The following RPS6KL1 variants were observed in gnomAD, a reference collection of about 807,000 sequenced individuals.
The protein encoded by RPS6KL1 is ribosomal protein S6 kinase like 1, also known as ribosomal protein S6 kinase-like 1.
RPS6KL1 carries 41 observed loss-of-function variants against 57.0 expected under a neutral mutation model. That is an observed-to-expected ratio of 0.72 (90% confidence interval 0.56 to 0.93). RPS6KL1 has a LOEUF of 0.93. Among genes scored for constraint, RPS6KL1 ranks in the 40% least tolerant of loss-of-function variants. RPS6KL1 has a pLI of 0.00. For synonymous variants in RPS6KL1, 287 were observed against 309.7 expected (o/e 0.93, Z 0.77); for missense variants, 697 against 727.7 (o/e 0.96, Z 0.49).
intron 5 of RPS6KL1, among the ~76,000 whole-genome samples, chr14:74,917,127 G>T (rs937016566): frequency 1.3e-5 from 2 of 152,220 alleles, no homozygotes; most frequent in Non-Finnish European, 2.9e-5. Flanking sequence ...CTGGAGTAAG[G>T]CCCGGGAGCA....
rs777306781 is a variant in RPS6KL1 at position 74,909,980 on chromosome 14, A to AG, written c.832dup (p.Leu278ProfsTer5). 3 of 1,614,100 alleles carry AG rather than the reference A, an allele frequency of 1.9e-6. No homozygotes were observed. The highest frequency in any genetic ancestry group is 2.5e-6 in the Non-Finnish European group (3 of 1,179,978). On this transcript the variant is annotated frameshift_variant, in exon 8 of 12. Coordinates refer to ENST00000557413, the MANE Select transcript of RPS6KL1 (RefSeq NM_031464.5). LOFTEE classifies it high-confidence loss of function. ...GTTCGGAGAAGTCCTAGGAGGCTCC[A>AG]GGGCGATTCTGTCCTGGCCAGGGGC... is the stretch of plus-strand genomic sequence containing the variant.
intron 11 of RPS6KL1, 68 bp from the exon 12 acceptor site, chr14:74,907,192 C>G (rs1046298107): frequency 3.5e-6 from 5 of 1,423,986 alleles, no homozygotes; most frequent in Non-Finnish European, 4.8e-6. Context: ...TCCAGGGACT[C>G]CAACCACTAT....
At position 74,921,509 on chromosome 14, in the gene RPS6KL1, G is replaced by A. The variant is rs765263263; in HGVS notation, c.33C>T (p.Ser11=). MSLVACECLP[S]PGLEPEPCSR... is the part of the protein sequence containing the mutation. ...AGCAAGGCTCAGGCTCCAGGCCGGG[G>A]CTGGGCAGGCACTCACAGGCCACCA... The change falls in exon 3 of 12, where the codon AGC becomes AGT. Residue 11 remains serine (S), a synonymous_variant. Coordinates refer to ENST00000557413, the MANE Select transcript of RPS6KL1 (RefSeq NM_031464.5). 1.2e-6 allele frequency: 2 copies of A among 1,613,888 alleles called. No homozygotes were observed. The highest frequency in any genetic ancestry group is 2.2e-5 in the East Asian group (1 of 44,868).
intron 5 of RPS6KL1, 91 bp downstream of exon 5, chr14:74,918,422 C>T: frequency 1.0e-6 from 1 of 959,030 alleles, no homozygotes; most frequent in Non-Finnish European, 1.5e-6. Context: ...TGCTACAGAC[C>T]TGCTTTCAGC....
At chr14:74,917,348 G>T (rs2140325565) in intron 5 of RPS6KL1, among the ~76,000 whole-genome samples, 1 of 152,312 alleles carries the variant, frequency 6.6e-6, no homozygotes, top group South Asian at 2.1e-4. Context: ...CACCCGGGGT[G>T]GTGCCCAGCG....
chr14:74,917,786 G>A (rs569927976), intron 5 of RPS6KL1, among the ~76,000 whole-genome samples: 38 of 148,598 alleles, frequency 2.6e-4, no homozygotes, highest in African/African-American at 9.2e-4. Context: ...CCAAGGCCCT[G>A]GGCAAGGACG....
intron 5 of RPS6KL1, among the ~76,000 whole-genome samples, chr14:74,913,883 GTTGT>G (rs1223118159): frequency 3.9e-5 from 6 of 152,226 alleles, no homozygotes; most frequent in Admixed American, 3.3e-4. Context: ...CTTTACATAG[GTTGT>G]TTAATTTTAT....
At chr14:74,911,526 G>T in intron 6 of RPS6KL1, 146 bp from the exon 7 acceptor site, 1 of 912,674 alleles carries the variant, frequency 1.1e-6, no homozygotes. Flanking sequence ...TACCCCCACT[G>T]CCCCTGTAGA....
chr14:74,908,513 T>G (rs2140251184), intron 10 of RPS6KL1, among the ~76,000 whole-genome samples: 1 of 151,524 alleles, frequency 6.6e-6, no homozygotes, highest in Middle Eastern at 3.4e-3. Context: ...GTGGGAGGAG[T>G]GAACAGCGGG....
At chr14:74,914,923 G>A (rs1338127414) in intron 5 of RPS6KL1, among the ~76,000 whole-genome samples, 1 of 152,222 alleles carries the variant, frequency 6.6e-6, no homozygotes, top group Non-Finnish European at 1.5e-5. Flanking sequence ...TGTTGGTCAG[G>A]CTGGTCTTGA....
intron 5 of RPS6KL1, among the ~76,000 whole-genome samples, chr14:74,913,862 T>C (rs189769322): frequency 9.7e-4 from 148 of 152,402 alleles, no homozygotes; most frequent in Non-Finnish European, 1.7e-3. Flanking sequence ...GTGGTTACTC[T>C]GTGCTAAGCA....
In RPS6KL1 at chr14:74,921,466, C is replaced by T; in HGVS notation, c.76G>A (p.Ala26Thr). 1 of 1,614,138 alleles carries T rather than the reference C, an allele frequency of 6.2e-7. No individual in the cohort carries two copies. The highest frequency in any genetic ancestry group is 8.5e-7 in the Non-Finnish European group (1 of 1,180,010). Residue 26 changes from alanine (A) to threonine (T), a missense_variant, in exon 3 of 12, where the codon GCT becomes ACT. Physicochemically the swap from Ala to Thr is moderately conservative, Grantham distance 58. Transcript: ENST00000557413. ...PEPCSRARSQ[A>T]HVYLEQIRNR... ...CGAATCTGCTCCAGGTACACGTGAG[C>T]TTGGGACCGTGCTCGTGAGCAAGGC...
Position 74,921,471 on chromosome 14 carries a change from G to T in RPS6KL1, c.71C>A (p.Ser24Tyr). The change falls in exon 3 of 12, where the codon TCC becomes TAC. Residue 24 changes from serine to tyrosine, a missense_variant. By Grantham distance (144) the Ser-to-Tyr change is moderately radical. Transcript: ENST00000557413. ...CTGCTCCAGGTACACGTGAGCTTGG[G>T]ACCGTGCTCGTGAGCAAGGCTCAGG... Reference protein sequence around the residue: ...LEPEPCSRARSQAHVYLEQIR... With the variant: ...LEPEPCSRARYQAHVYLEQIR... 6.2e-7 allele frequency: 1 copy of T among 1,614,134 alleles called. No homozygotes were observed. Among genetic ancestry groups the T allele is most frequent in the African/African-American group, 1.3e-5 (1 of 75,074 alleles).
rs1885061027 is a variant in RPS6KL1, at chr14:74,907,291, A to T, written c.1539+144T>A. 2.1e-6 allele frequency: 3 copies of T among 1,423,846 alleles called. No homozygotes were observed. In the African/African-American group the frequency reaches 4.3e-5, roughly 20 times the overall value. 88.2% of individuals were successfully genotyped at this position (1,423,846 alleles called of 1,614,324 possible). A position where few individuals can be genotyped will look rare whatever the true frequency, so the allele number is the denominator to read the frequency against. On this transcript the variant is annotated intron_variant, in intron 11 of 11. Coordinates refer to ENST00000557413, the MANE Select transcript of RPS6KL1 (RefSeq NM_031464.5). ...ATTGGTGGTGGTTGGCCACCAACAT[A>T]TAGAAATGTGTTGCCCCTACTGCCC...
rs1283740805 is a variant in RPS6KL1, at chr14:74,909,605, A to G, written c.1208T>C (p.Leu403Pro). ...AAEMLVALEA[L>P]HEQGVLCRDL... ...CCGGCACAGCACCCCCTGCTCGTGC[A>G]GCGCCTCCAGCGCTACCAGCATCTC... The change falls in exon 8 of 12, where the codon CTG becomes CCG. Residue 403 changes from leucine (L) to proline (P), a missense_variant. By Grantham distance (98) the Leu-to-Pro change is moderately conservative. Coordinates refer to ENST00000557413, the MANE Select transcript of RPS6KL1 (RefSeq NM_031464.5). 1 of 1,612,394 alleles carries G rather than the reference A, an allele frequency of 6.2e-7. No individual in the cohort carries two copies. The highest frequency in any genetic ancestry group is 8.5e-7 in the Non-Finnish European group (1 of 1,179,922).
At chr14:74,913,319 G>C (rs1290873105) in intron 5 of RPS6KL1, among the ~76,000 whole-genome samples, 3 of 152,160 alleles carry the variant, frequency 2.0e-5, no homozygotes, top group Non-Finnish European at 4.4e-5. Context: ...TAATTTGGGA[G>C]GCCAAGGCGG....
At chr14:74,920,302 G>A (rs904907049) in intron 3 of RPS6KL1, among the ~76,000 whole-genome samples, 3 of 152,204 alleles carry the variant, frequency 2.0e-5, no homozygotes, top group Non-Finnish European at 4.4e-5. Flanking sequence ...TTTTTCAGAG[G>A]AGGGGATAGA....
rs141608063 is a variant in RPS6KL1, at chr14:74,922,437, C to A, written c.-480G>T. 887 of 714,748 alleles carry A rather than the reference C, an allele frequency of 1.2e-3. 1 individual carries two copies. Among genetic ancestry groups the A allele is most frequent in the Non-Finnish European group, 1.5e-3 (851 of 581,846 alleles). The allele number at this position is 714,748 out of a possible 1,614,324, so 44.3% of individuals were successfully genotyped here. ...GGTCAGTGTGGTCAGCGAGTGAGGACCCCTCCTGGAGCCAGCAGAGAGCAG... is the reference window on the plus strand; with the variant it reads ...GGTCAGTGTGGTCAGCGAGTGAGGAACCCTCCTGGAGCCAGCAGAGAGCAG... On this transcript the variant is annotated 5_prime_UTR_variant, in exon 2 of 12. Coordinates refer to ENST00000557413, the MANE Select transcript of RPS6KL1 (RefSeq NM_031464.5).
intron 5 of RPS6KL1, among the ~76,000 whole-genome samples, chr14:74,916,750 G>A (rs1038112005): frequency 6.6e-6 from 1 of 152,096 alleles, no homozygotes; most frequent in Non-Finnish European, 1.5e-5. Context: ...TCGAAACACT[G>A]GATTCCTAAA....
Sources: gnomAD v4.1 joint callset for allele counts (sites outside exome capture counted in the v4.1 genomes callset) on GRCh38, gnomAD v4.1.1 for gene constraint, MANE v1.5 for transcripts, NCBI Gene and HGNC (gene_info 2026-07-23, HGNC 2026-07-21) for gene names.